Variants in SMAP2 observed in about 807,000 individuals in gnomAD.
SMAP2 encodes stromal membrane-associated protein 2.
Under a neutral mutation model 56.4 loss-of-function variants are expected in SMAP2, and 25 were observed. The observed-to-expected ratio is 0.44, with a 90% CI of 0.32 to 0.62. The LOEUF is 0.62. Among genes scored for constraint, SMAP2 ranks in the 20% least tolerant of loss-of-function variants. The pLI, the probability that SMAP2 is intolerant of heterozygous loss-of-function variation, is 0.04. For synonymous variants in SMAP2, 157 were observed against 181.7 expected (o/e 0.86, Z 1.09); for missense variants, 388 against 545.6 (o/e 0.71, Z 2.88).
chr1:40,400,613 A>G (rs1644823116), intron 1 of SMAP2, among the ~76,000 whole-genome samples: 1 of 152,202 alleles, frequency 6.6e-6, no homozygotes, highest in Non-Finnish European at 1.5e-5. Flanking sequence ...TTTCTGACTG[A>G]CGCAATGGAA....
rs768405649 is a variant in SMAP2 at position 40,406,881 on chromosome 1, A to G, written c.237+12A>G. Reference sequence around the variant, plus strand: ...AAGAACAGATTCAGGTACTTAGCCCAAGAGTGAGTCAGCTGCTTCCATATA... The same window carrying G: ...AAGAACAGATTCAGGTACTTAGCCCGAGAGTGAGTCAGCTGCTTCCATATA... On this transcript the variant is annotated intron_variant, in intron 2 of 9. Transcript: ENST00000372718. 6.2e-7 allele frequency: 1 copy of G among 1,605,360 alleles called. No homozygotes were observed. Among genetic ancestry groups the G allele is most frequent in the Non-Finnish European group, 8.5e-7 (1 of 1,174,010 alleles).
chr1:40,415,292 A>G lies in SMAP2; in HGVS notation c.592A>G (p.Ile198Val). 6.2e-7 allele frequency: 1 copy of G among 1,613,886 alleles called. No individual in the cohort carries two copies. The highest frequency in any genetic ancestry group is 8.5e-7 in the Non-Finnish European group (1 of 1,179,754). ...TCTAGATGCTCCTGTGGCCTGCTCC[A>G]TTGCAAATAGTAAGACCAGCAATAC... ...LGLDAPVACS[I>V]ANSKTSNTLE... Residue 198 changes from isoleucine to valine, a missense_variant, in exon 7 of 10, where the codon ATT becomes GTT. By Grantham distance (29) the Ile-to-Val change is conservative (BLOSUM62 3). Coordinates refer to ENST00000372718, the MANE Select transcript of SMAP2 (RefSeq NM_022733.3).
intron 1 of SMAP2, among the ~76,000 whole-genome samples, chr1:40,395,672 G>C (rs1644763800): frequency 6.6e-6 from 1 of 152,134 alleles, no homozygotes; most frequent in Admixed American, 6.5e-5. Flanking sequence ...ATATTGACTT[G>C]TCTAAAGTCA....
At chr1:40,397,746 T>G (rs1017978024) in intron 1 of SMAP2, among the ~76,000 whole-genome samples, 1 of 152,132 alleles carries the variant, frequency 6.6e-6, no homozygotes, top group Non-Finnish European at 1.5e-5. Context: ...GAACAAGATA[T>G]TAAGTATTAG....
upstream of SMAP2, among the ~76,000 whole-genome samples, chr1:40,371,473 T>C (rs184552541): frequency 2.6e-5 from 4 of 152,356 alleles, no homozygotes; most frequent in Admixed American, 2.6e-4. Flanking sequence ...ACAATGCTTA[T>C]TTCTTGCTTA....
At chr1:40,396,968 T>A in intron 1 of SMAP2, 1 of 385,830 alleles carries the variant, frequency 2.6e-6, no homozygotes, top group Non-Finnish European at 3.5e-6. Context: ...GGGTCAGAGT[T>A]AATGACAAGT....
At chr1:40,377,838 C>T (rs1210373247) in intron 1 of SMAP2, among the ~76,000 whole-genome samples, 3 of 152,178 alleles carry the variant, frequency 2.0e-5, no homozygotes, top group Admixed American at 2.0e-4. Flanking sequence ...AAAGGATCTA[C>T]AGTTGTCCTT....
At chr1:40,397,582 CTTA>C (rs1329608490) in intron 1 of SMAP2, among the ~76,000 whole-genome samples, 2 of 152,056 alleles carry the variant, frequency 1.3e-5, no homozygotes, top group Non-Finnish European at 2.9e-5. Flanking sequence ...ATTTATGTTG[CTTA>C]TTGACGAATT....
In SMAP2 at chr1:40,363,090, A is replaced by G. The variant is rs955770003; in HGVS notation, c.55+654A>G. Among the ~76,000 whole-genome samples the G allele has an allele frequency of 9.2e-5, 14 of 152,330 alleles. 1 individual carries two copies. The highest frequency in any genetic ancestry group is 5.8e-4 in the East Asian group (3 of 5,190). On this transcript the variant is annotated intron_variant, in intron 2 of 6. Coordinates refer to the SMAP2 transcript ENST00000435168. ...GACTCCAGGAAAAACAAAAAGTTTA[A>G]CCAGGAAAAAAATGCAATCAATGAA...
upstream of SMAP2, among the ~76,000 whole-genome samples, chr1:40,372,962 A>G (rs764702816): frequency 6.6e-6 from 1 of 152,252 alleles, no homozygotes. Flanking sequence ...ATGAGAAATT[A>G]TCTGTAGCAA....
intron 1 of SMAP2, among the ~76,000 whole-genome samples, chr1:40,349,771 G>A (rs182373176): frequency 5.4e-4 from 82 of 152,184 alleles, no homozygotes; most frequent in African/African-American, 1.9e-3. Context: ...TGCCTGCCTC[G>A]GCCTCCCAAA....
chr1:40,345,869 T>C (rs920862363), intron 1 of SMAP2, among the ~76,000 whole-genome samples: 3 of 132,974 alleles, frequency 2.3e-5, no homozygotes, highest in Non-Finnish European at 4.6e-5. Flanking sequence ...TATTATATTA[T>C]ATTGTATTAT....
chr1:40,382,442 C>T (rs528890255), intron 1 of SMAP2, among the ~76,000 whole-genome samples: 7 of 152,312 alleles, frequency 4.6e-5, no homozygotes, highest in African/African-American at 1.4e-4. Context: ...CAAGATTCTG[C>T]ATAAAACATG....
At chr1:40,388,860 G>A (rs184866160) in intron 1 of SMAP2, among the ~76,000 whole-genome samples, 75 of 152,184 alleles carry the variant, frequency 4.9e-4, no homozygotes, top group African/African-American at 1.7e-3. Context: ...CACTCACCGC[G>A]AAGGTCTGCA....
Position 40,399,310 on chromosome 1 carries a change from ATTTT to A in SMAP2, c.104-7408_104-7405del, listed in dbSNP as rs747127620. 1.4e-3 allele frequency among the ~76,000 whole-genome samples: 132 copies of A among 91,958 alleles called. 1 individual carries two copies. Among genetic ancestry groups the A allele is most frequent in the African/African-American group, 5.1e-3 (111 of 21,854 alleles). The allele number at this position is 91,958 out of a possible 152,430, so 60.3% of individuals were successfully genotyped here. The stretch of plus-strand genomic sequence containing the variant: ...CAGGCATGTGCCACTACGTGTGGCT[ATTTT>A]TTTTTTTTTTTTTTTTTGTATTTTT... On this transcript the variant is annotated intron_variant, in intron 1 of 9. Transcript: ENST00000372718.
chr1:40,348,763 C>T (rs1051767996), intron 1 of SMAP2, among the ~76,000 whole-genome samples: 2 of 151,054 alleles, frequency 1.3e-5, no homozygotes, highest in Non-Finnish European at 3.0e-5. Flanking sequence ...GAATAAAATA[C>T]TATTTCTTTC....
intron 1 of SMAP2, among the ~76,000 whole-genome samples, chr1:40,405,185 C>A (rs1249686658): frequency 1.3e-5 from 2 of 152,172 alleles, no homozygotes; most frequent in Non-Finnish European, 2.9e-5. Flanking sequence ...TTCATTAAAA[C>A]TGCTGTCAAA....
intron 1 of SMAP2, among the ~76,000 whole-genome samples, chr1:40,353,172 C>T (rs1308794299): frequency 6.6e-6 from 1 of 152,230 alleles, no homozygotes; most frequent in Non-Finnish European, 1.5e-5. Flanking sequence ...AAGGGAAAGA[C>T]TGCTGTGAGC....
At chr1:40,356,618 A>G (rs529072510) in intron 1 of SMAP2, among the ~76,000 whole-genome samples, 3 of 151,844 alleles carry the variant, frequency 2.0e-5, no homozygotes, top group African/African-American at 7.2e-5. Flanking sequence ...CACTGTGTCA[A>G]CCAGGATGGT....
Sources: allele counts gnomAD v4.1 joint callset (sites outside exome capture counted in the v4.1 genomes callset), GRCh38; gene constraint gnomAD v4.1.1; transcripts MANE v1.5; gene names NCBI Gene and HGNC (gene_info 2026-07-23, HGNC 2026-07-21).